TTK: variants seen among roughly 807,000 people sequenced by gnomAD.
TTK encodes dual specificity protein kinase TTK.
TTK carries 59 observed loss-of-function variants against 117.3 expected under a neutral mutation model. The observed-to-expected ratio is 0.50, with a 90% CI of 0.41 to 0.62. The LOEUF (loss-of-function observed/expected upper bound fraction) is 0.62. Ranked by LOEUF, TTK falls within the 20% of genes least tolerant of loss-of-function variation. The pLI is 0.00. For synonymous variants in TTK, 302 were observed against 325.0 expected (o/e 0.93, Z 0.76); for missense variants, 921 against 989.4 (o/e 0.93, Z 0.93).
chr6:80,028,223 C>T (rs1767657473), intron 13 of TTK, among the ~76,000 whole-genome samples: 1 of 152,082 alleles, frequency 6.6e-6, no homozygotes, highest in South Asian at 2.1e-4. Context: ...CTCTTAATAA[C>T]TAGGCCAAAG....
Position 80,011,910 on chromosome 6 carries a change from G to C in TTK, c.826G>C (p.Val276Leu). The change falls in exon 8 of 22, where the codon GTT (valine) becomes CTT (leucine). Residue 276 changes from valine (V) to leucine (L), a missense_variant. Transcript: ENST00000369798. ...GTCATGCCCATTTGGAAGAGTCCCA[G>C]TTAACCTTCTAAATAGCCCAGATTG... ...KQSCPFGRVP[V>L]NLLNSPDCDV... 1.2e-6 allele frequency: 2 copies of C among 1,612,532 alleles called. No individual in the cohort carries two copies. The highest frequency in any genetic ancestry group is 1.7e-6 in the Non-Finnish European group (2 of 1,179,088).
chr6:80,022,937 T>A (rs2127675852), intron 11 of TTK, among the ~76,000 whole-genome samples: 1 of 152,286 alleles, frequency 6.6e-6, no homozygotes, highest in South Asian at 2.1e-4. Context: ...CCCAAGCACT[T>A]AACAGTTTCC....
At chr6:80,034,884 C>T in intron 14 of TTK, 101 bp from the exon 15 acceptor site, 1 of 1,042,494 alleles carries the variant, frequency 9.6e-7, no homozygotes, top group South Asian at 3.4e-5. Flanking sequence ...GTCAGTATTT[C>T]CTTTAGAATT....
Position 80,042,282 on chromosome 6 carries a change from C to A in TTK, c.*80C>A. ...ACTCTTGAATCCCTGTGGAAATCTA[C>A]ATTTGAAGACAACATCACTCTGAAG... On this transcript the variant is annotated 3_prime_UTR_variant, in exon 22 of 22. Coordinates refer to ENST00000369798, the MANE Select transcript of TTK (RefSeq NM_003318.5). 9.0e-7 allele frequency: 1 copy of A among 1,114,324 alleles called. No homozygotes were observed. 69.0% of individuals were successfully genotyped at this position (1,114,324 alleles called of 1,614,324 possible).
At chr6:80,033,896 A>G (rs566461211) in intron 14 of TTK, among the ~76,000 whole-genome samples, 2 of 152,208 alleles carry the variant, frequency 1.3e-5, no homozygotes, top group Admixed American at 6.6e-5. Context: ...TTTTTTGGCT[A>G]TATTTTAGTA....
At chr6:80,013,431 G>T in intron 9 of TTK, 65 bp downstream of exon 9, 1 of 1,326,118 alleles carries the variant, frequency 7.5e-7, no homozygotes, top group South Asian at 1.3e-5. Flanking sequence ...AGTATTCATG[G>T]AGCTTTTTCT....
intron 10 of TTK, among the ~76,000 whole-genome samples, chr6:80,016,290 G>A (rs1030597854): frequency 6.6e-6 from 1 of 152,168 alleles, no homozygotes; most frequent in Non-Finnish European, 1.5e-5. Context: ...GGAAGATGGT[G>A]CCAAACAGTC....
chr6:80,017,939 A>AT lies in TTK; in HGVS notation c.1108+3359dup, dbSNP rs1437026865. On this transcript the variant is annotated intron_variant, in intron 10 of 21. Transcript: ENST00000369798. ...TTAATGCTGATCAGATATTCTTGATATTTTTTGATGCTGTGATAGTGAATG... is the reference window on the plus strand; with the variant it reads ...TTAATGCTGATCAGATATTCTTGATATTTTTTTGATGCTGTGATAGTGAATG... 2.1e-4 allele frequency among the ~76,000 whole-genome samples: 32 copies of AT among 152,162 alleles called. No individual in the cohort carries two copies. In the East Asian group the frequency reaches 6.0e-3, roughly 29 times the overall value.
rs1358796410 is a variant in TTK, at chr6:80,014,472, A to G, written c.994A>G (p.Asn332Asp). The change falls in exon 10 of 22, where the codon AAT becomes GAT. Residue 332 changes from asparagine to aspartate, a missense_variant. Coordinates refer to ENST00000369798, the MANE Select transcript of TTK (RefSeq NM_003318.5). ...TTTCTTTTTCATGTAGTCTGTTCAA[A>G]ATAGTCATTTCAAGGAACCTCTGGT... ...CELRNLKSVQ[N>D]SHFKEPLVSD... 1 of 1,605,830 alleles carries G rather than the reference A, an allele frequency of 6.2e-7. No homozygotes were observed. The highest frequency in any genetic ancestry group is 2.2e-5 in the East Asian group (1 of 44,644).
rs149260871 is a variant in TTK, at chr6:80,024,651, C to T, written c.1258-1727C>T. On this transcript the variant is annotated intron_variant, in intron 11 of 21. Transcript: ENST00000369798. ...GGGTGTGAGTTTTCTTTTTAGAAGA[C>T]GAAAATATTCTAAAATTGGATTGTG... Among the ~76,000 whole-genome samples the T allele has an allele frequency of 2.3e-3, 353 of 152,112 alleles. 3 individuals are homozygous for T. The highest frequency in any genetic ancestry group is 0.017 in the Middle Eastern group (5 of 294).
At chr6:80,037,705 T>G (rs1169294724) in intron 17 of TTK, 1 of 175,620 alleles carries the variant, frequency 5.7e-6, no homozygotes, top group African/African-American at 2.4e-5. Flanking sequence ...TTGCTGATTA[T>G]GAACCCAACT....
chr6:80,026,418 C>G lies in TTK; in HGVS notation c.1298C>G (p.Ser433Ter). ...TTTGAGCAACCTGTCTTTTCAGTTT[C>G]AAAACAGTCACCACCAATATCAACA... ...TTFEQPVFSV[S>*]KQSPPISTSK... Residue 433 changes from serine (S) to a stop codon, truncating the protein, a stop_gained, in exon 12 of 22, where the codon TCA (serine) becomes TGA (stop). Transcript: ENST00000369798. LOFTEE classifies it high-confidence loss of function. 2 of 1,613,546 alleles carry G rather than the reference C, an allele frequency of 1.2e-6. No individual in the cohort carries two copies. The highest frequency in any genetic ancestry group is 1.7e-6 in the Non-Finnish European group (2 of 1,179,802).
intron 10 of TTK, among the ~76,000 whole-genome samples, chr6:80,016,540 G>T (rs967388282): frequency 6.6e-6 from 1 of 152,096 alleles, no homozygotes; most frequent in Non-Finnish European, 1.5e-5. Flanking sequence ...CACCCAGGTT[G>T]CAGTCTTGCT....
chr6:80,022,184 T>C, intron 10 of TTK, 140 bp from the exon 11 acceptor site: 1 of 923,276 alleles, frequency 1.1e-6, no homozygotes, highest in Non-Finnish European at 1.5e-6. Context: ...GCAGCTGGCT[T>C]AAAGCTTTTA....
chr6:80,035,504 T>C (rs1767880012), intron 16 of TTK, 87 bp downstream of exon 16: 4 of 1,292,202 alleles, frequency 3.1e-6, no homozygotes, highest in South Asian at 1.7e-5. Flanking sequence ...TTTTAGGGCA[T>C]TGGTTATTGG....
intron 10 of TTK, among the ~76,000 whole-genome samples, chr6:80,015,672 A>G (rs775231787): frequency 1.9e-4 from 29 of 152,234 alleles, no homozygotes; most frequent in Non-Finnish European, 3.7e-4. Context: ...TGTAACTGGT[A>G]TGATTGAGAA....
chr6:80,040,576 G>C (rs1401811373), intron 20 of TTK, 30 bp from the exon 21 acceptor site: 3 of 1,581,426 alleles, frequency 1.9e-6, no homozygotes, highest in Non-Finnish European at 2.6e-6. Context: ...TTTCTTACTG[G>C]TACTAGTGTA....
At position 80,020,612 on chromosome 6, in the gene TTK, C is replaced by T. The variant is rs75423425; in HGVS notation, c.1109-1712C>T. Among the ~76,000 whole-genome samples the T allele has an allele frequency of 3.3e-3, 509 of 152,240 alleles. 1 individual carries two copies. Among genetic ancestry groups the T allele is most frequent in the African/African-American group, 0.012 (480 of 41,552 alleles). On this transcript the variant is annotated intron_variant, in intron 10 of 21. Coordinates refer to ENST00000369798, the MANE Select transcript of TTK (RefSeq NM_003318.5). Reference sequence around the variant, plus strand: ...CATAGTTTTAAAATGTGCAGAAAAACGGGCCATAATGTGTAACCAGCTGGA... The same window carrying T: ...CATAGTTTTAAAATGTGCAGAAAAATGGGCCATAATGTGTAACCAGCTGGA...
intron 16 of TTK, 111 bp from the exon 17 acceptor site, chr6:80,036,364 T>C: frequency 4.8e-6 from 6 of 1,253,574 alleles, no homozygotes; most frequent in Non-Finnish European, 6.5e-6. Flanking sequence ...AATTATTGAA[T>C]TGGGTTCACT....
Sources: gnomAD v4.1 joint callset for allele counts (sites outside exome capture counted in the v4.1 genomes callset) on GRCh38, gnomAD v4.1.1 for gene constraint, MANE v1.5 for transcripts, NCBI Gene and HGNC (gene_info 2026-07-23, HGNC 2026-07-21) for gene names.